The following MVB12A variants were observed in gnomAD, a reference collection of about 807,000 sequenced individuals.
MVB12A encodes CIN85/CD2AP family binding protein.
A neutral mutation model predicts 34.3 loss-of-function variants in MVB12A; 30 were observed. The ratio of observed to expected loss-of-function variants is 0.88; its 90% CI spans 0.65 to 1.19. The LOEUF (loss-of-function observed/expected upper bound fraction) is 1.19. MVB12A is among the 50% of genes most tolerant of loss of function. The pLI is 0.00. For missense variants in MVB12A, 355 were observed against 369.2 expected (o/e 0.96, Z 0.31); for synonymous variants, 158 against 158.9 (o/e 0.99, Z 0.04).
rs200453388 is a variant in MVB12A, at chr19:17,420,416, G to T, written c.189+5G>T. ...AGTTCTCTGGGCAGCCTAGAGGTAAGAGGTGCCCACCTTCGGAACCACCAG... is the reference window on the plus strand; with the variant it reads ...AGTTCTCTGGGCAGCCTAGAGGTAATAGGTGCCCACCTTCGGAACCACCAG... On this transcript the variant is annotated splice_donor_5th_base_variant and intron_variant, in intron 2 of 8. Coordinates refer to ENST00000317040, the MANE Select transcript of MVB12A (RefSeq NM_138401.4). 13 of 1,613,656 alleles carry T rather than the reference G, an allele frequency of 8.1e-6. No individual in the cohort carries two copies. Among genetic ancestry groups the T allele is most frequent in the Non-Finnish European group, 1.1e-5 (13 of 1,179,604 alleles).
chr19:17,420,193 G>C lies in MVB12A; in HGVS notation c.58G>C (p.Ala20Pro), dbSNP rs577744679. ...GCTGGCTGGCCTGGCCTGGTCGTCG[G>C]CCTCTGCACCCCCGCCGCGGGGGTT... ...APLAGLAWSS[A>P]SAPPPRGFSA... Residue 20 changes from alanine to proline, a missense_variant, in exon 1 of 9, where the codon GCC becomes CCC. By Grantham distance (27) the Ala-to-Pro change is conservative. Coordinates refer to ENST00000317040, the MANE Select transcript of MVB12A (RefSeq NM_138401.4). The C allele has an allele frequency of 8.3e-6, 12 of 1,452,092 alleles. No homozygotes were observed. In the African/African-American group the frequency reaches 1.6e-4, roughly 19 times the overall value. The allele number at this position is 1,452,092 out of a possible 1,614,324, so 90.0% of individuals were successfully genotyped here.
chr19:17,415,310 A>G (rs955479104), upstream of MVB12A: 2 of 152,074 alleles, frequency 1.3e-5, no homozygotes, highest in Admixed American at 6.6e-5. Context: ...CCCCTTCCTC[A>G]AAGAGTTAAC....
Position 17,422,431 on chromosome 19 carries a change from A to G in MVB12A, c.386A>G (p.Lys129Arg), listed in dbSNP as rs2074844204. The change falls in exon 4 of 9, where the codon AAG becomes AGG. Residue 129 changes from lysine (K) to arginine (R), a missense_variant. Lys to Arg is a conservative substitution (Grantham distance 26). Coordinates refer to ENST00000317040, the MANE Select transcript of MVB12A (RefSeq NM_138401.4). Reference sequence around the variant, plus strand: ...GATGTCCGGCTGAGTGGGAAGACCAAGACAGTGCCTGGATACCTTCGAATA... The same window carrying G: ...GATGTCCGGCTGAGTGGGAAGACCAGGACAGTGCCTGGATACCTTCGAATA... ...VFDVRLSGKTKTVPGYLRIGD... is the reference protein window; with the variant it reads ...VFDVRLSGKTRTVPGYLRIGD... 1 of 1,613,298 alleles carries G rather than the reference A, an allele frequency of 6.2e-7. No homozygotes were observed. The highest frequency in any genetic ancestry group is 8.5e-7 in the Non-Finnish European group (1 of 1,179,620).
At chr19:17,421,478 C>T (rs1465074533) in intron 3 of MVB12A, among the ~76,000 whole-genome samples, 3 of 151,970 alleles carry the variant, frequency 2.0e-5, no homozygotes, top group African/African-American at 7.3e-5. Context: ...GCCACCGCAC[C>T]CGGCCAAACT....
chr19:17,419,009 T>A (rs1355444172), upstream of MVB12A: 1 of 151,204 alleles, frequency 6.6e-6, no homozygotes, highest in Non-Finnish European at 1.5e-5. Context: ...CACCACAAAC[T>A]GGAACAGACG....
intron 3 of MVB12A, 32 bp downstream of exon 3, chr19:17,420,666 G>C: frequency 6.6e-7 from 1 of 1,515,446 alleles, no homozygotes; most frequent in African/African-American, 1.4e-5. Context: ...AGAGTTGTCC[G>C]GGTCCCTTGC....
At chr19:17,417,051 C>G, upstream of MVB12A, 1 of 409,606 alleles carries the variant, frequency 2.4e-6, no homozygotes, top group Non-Finnish European at 4.8e-6. Context: ...TCCTCTTCCA[C>G]TTTTTTCCAG....
At chr19:17,407,929 G>T (rs567546760) in intron 2 of MVB12A, among the ~76,000 whole-genome samples, 12 of 152,206 alleles carry the variant, frequency 7.9e-5, no homozygotes, top group African/African-American at 2.9e-4. Flanking sequence ...TGGCGTCACC[G>T]CTAGACCAAG....
intron 2 of MVB12A, among the ~76,000 whole-genome samples, chr19:17,408,683 G>A (rs1037175608): frequency 6.6e-6 from 1 of 151,106 alleles, no homozygotes; most frequent in African/African-American, 2.4e-5. Context: ...CTGACCTCAG[G>A]TGATCTGTCT....
chr19:17,416,085 A>G (rs1473482793), upstream of MVB12A, among the ~76,000 whole-genome samples: 1 of 152,104 alleles, frequency 6.6e-6, no homozygotes, highest in African/African-American at 2.4e-5. Flanking sequence ...CCAAAAACTC[A>G]ACCACTTATT....
upstream of MVB12A, chr19:17,420,019 C>CCCCA (rs1555735869): frequency 2.2e-3 from 874 of 390,482 alleles, 50 homozygotes; most frequent in African/African-American, 5.2e-3. Flanking sequence ...ATCTCCGCCC[C>CCCCA]CCCCCCCCGC....
chr19:17,424,919 C>A lies in MVB12A; in HGVS notation c.760-12C>A. On this transcript the variant is annotated splice_polypyrimidine_tract_variant and intron_variant, in intron 8 of 8. Coordinates refer to ENST00000317040, the MANE Select transcript of MVB12A (RefSeq NM_138401.4). ...CTGGCACCTGTTCACTCTCTCTCTC[C>A]CCATCCCCCAGTATAACTACGGCTT... is the stretch of plus-strand genomic sequence containing the variant. The A allele has an allele frequency of 6.3e-7, 1 of 1,598,000 alleles. No homozygotes were observed. Among genetic ancestry groups the A allele is most frequent in the Non-Finnish European group, 8.5e-7 (1 of 1,170,692 alleles).
chr19:17,425,325 T>G lies in MVB12A; in HGVS notation c.*332T>G. The G allele has an allele frequency of 2.5e-5, 8 of 318,168 alleles. No homozygotes were observed. The highest frequency in any genetic ancestry group is 1.1e-4 in the East Asian group (2 of 17,592). The allele number at this position is 318,168 out of a possible 1,614,324, so 19.7% of individuals were successfully genotyped here. A position where few individuals can be genotyped will look rare whatever the true frequency, so the allele number is the denominator to read the frequency against. On this transcript the variant is annotated 3_prime_UTR_variant, in exon 9 of 9. Transcript: ENST00000317040. ...CCTCCTGGCAATAAACACTACCCGG[T>G]TCTCGCCCTCTGGAGTCCTGATCCT...
At chr19:17,419,595 T>A (rs1260888877), upstream of MVB12A, 4 of 152,246 alleles carry the variant, frequency 2.6e-5, no homozygotes, top group African/African-American at 9.6e-5. Context: ...TTCTTCACAA[T>A]GCATTTTTAG....
chr19:17,422,198 C>A, intron 3 of MVB12A, 134 bp from the exon 4 acceptor site: 1 of 724,376 alleles, frequency 1.4e-6, no homozygotes, highest in Non-Finnish European at 2.3e-6. Flanking sequence ...AACCACTCCT[C>A]CCACCCCCAT....
chr19:17,410,529 T>TATATATATATATATATATACAC lies in MVB12A; in HGVS notation c.-5+4234_-5+4235insTATATATATATATATATACACA. Among the ~76,000 whole-genome samples, 8 of 74,434 alleles carry TATATATATATATATATATACAC rather than the reference T, an allele frequency of 1.1e-4. No individual in the cohort carries two copies. In the South Asian group the frequency reaches 2.2e-3, roughly 21 times the overall value. The allele number at this position is 74,434 out of a possible 152,430, so 48.8% of individuals were successfully genotyped here. On this transcript the variant is annotated intron_variant, in intron 2 of 6. Transcript: ENST00000528604. The stretch of plus-strand genomic sequence containing the variant: ...ATATATATATATATATATATATATA[T>TATATATATATATATATATACAC]ACACACACACATATATATATACACA...
chr19:17,420,509 C>A, intron 2 of MVB12A, 29 bp from the exon 3 acceptor site: 2 of 1,588,820 alleles, frequency 1.3e-6, no homozygotes, highest in Non-Finnish European at 1.7e-6. Context: ...CTGCTAGCCA[C>A]CCTCGCCGTG....
At chr19:17,410,529 T>TATATATATACACACACACAC in intron 2 of MVB12A, among the ~76,000 whole-genome samples, 1 of 74,480 alleles carries the variant, frequency 1.3e-5, no homozygotes, top group African/African-American at 6.6e-5. Context: ...TATATATATA[T>TATATATATACACACACACAC]ACACACACAC....
At chr19:17,412,131 C>T (rs2074772973) in intron 2 of MVB12A, among the ~76,000 whole-genome samples, 1 of 152,210 alleles carries the variant, frequency 6.6e-6, no homozygotes, top group Non-Finnish European at 1.5e-5. Flanking sequence ...TCAGAGGTGC[C>T]ACCAGACGTG....
Sources: allele counts gnomAD v4.1 joint callset (sites outside exome capture counted in the v4.1 genomes callset), GRCh38; gene constraint gnomAD v4.1.1; transcripts MANE v1.5; gene names NCBI Gene and HGNC (gene_info 2026-07-23, HGNC 2026-07-21).